The following MIOS variants were observed in gnomAD, a reference collection of about 807,000 sequenced individuals.
MIOS encodes the protein GATOR2 complex protein MIOS.
Under a neutral mutation model 96.9 loss-of-function variants are expected in MIOS, and 52 were observed. That is an observed-to-expected ratio of 0.54 (90% CI 0.43 to 0.68). The LOEUF (loss-of-function observed/expected upper bound fraction) is 0.68, where lower values mean the gene tolerates loss of function less well. MIOS is among the 30% of genes least tolerant of loss of function. The pLI, the probability that MIOS is intolerant of heterozygous loss-of-function variation, is 0.00. For missense variants in MIOS, 1,005 were observed against 1,052.8 expected, an observed-to-expected ratio of 0.95 and a Z score of 0.63; for synonymous variants, 397 against 359.5, an observed-to-expected ratio of 1.10 and a Z score of -1.18.
intron 3 of MIOS, among the ~76,000 whole-genome samples, chr7:7,570,826 C>T (rs1052750524): frequency 2.0e-5 from 3 of 152,148 alleles, no homozygotes; most frequent in Non-Finnish European, 4.4e-5. Context: ...TAACAGATGA[C>T]GCTTAGCTCC....
intron 11 of MIOS, among the ~76,000 whole-genome samples, chr7:7,602,100 A>T (rs371741968): frequency 1.3e-5 from 2 of 152,140 alleles, no homozygotes; most frequent in African/African-American, 4.8e-5. Context: ...TCTATGACAC[A>T]CCCACAGCCA....
downstream of MIOS, chr7:7,609,027 G>C (rs1213053278): frequency 6.6e-6 from 1 of 151,890 alleles, no homozygotes; most frequent in East Asian, 1.9e-4. Flanking sequence ...ACTGGTATTT[G>C]GGTTTATAAA....
chr7:7,585,633 C>T lies in MIOS; in HGVS notation c.1649-3C>T. On this transcript the variant is annotated splice_region_variant and splice_polypyrimidine_tract_variant and intron_variant, in intron 6 of 12. Transcript: ENST00000340080. The stretch of plus-strand genomic sequence containing the variant: ...TGATTAGCTGGCTGTTTTTAATATG[C>T]AGGAGATCTGAATCTCAATGTGGTA... The T allele has an allele frequency of 1.3e-6, 2 of 1,574,846 alleles. No homozygotes were observed. The highest frequency in any genetic ancestry group is 1.7e-6 in the Non-Finnish European group (2 of 1,161,352).
intron 3 of MIOS, among the ~76,000 whole-genome samples, chr7:7,571,958 A>G (rs192059943): frequency 6.6e-6 from 1 of 152,338 alleles, no homozygotes; most frequent in African/African-American, 2.4e-5. Flanking sequence ...CTCAGTAGCT[A>G]CATGTGGCTA....
In MIOS at chr7:7,607,644, G is replaced by A. The variant is rs975368915; in HGVS notation, c.*552G>A. ...GTCTGTTATATATGTGTCTATGTGTGTGTGTATATTTATGTGTGTATGTAT... is the reference window on the plus strand; with the variant it reads ...GTCTGTTATATATGTGTCTATGTGTATGTGTATATTTATGTGTGTATGTAT... On this transcript the variant is annotated 3_prime_UTR_variant, in exon 13 of 13. Transcript: ENST00000340080. The A allele has an allele frequency of 2.7e-5, 4 of 150,914 alleles. No individual in the cohort carries two copies. The highest frequency in any genetic ancestry group is 9.7e-5 in the African/African-American group (4 of 41,316). 9.3% of individuals were successfully genotyped at this position (150,914 alleles called of 1,614,324 possible). A position where few individuals can be genotyped will look rare whatever the true frequency, so the allele number is the denominator to read the frequency against.
chr7:7,589,734 G>C (rs780359661), intron 9 of MIOS, among the ~76,000 whole-genome samples, 171 bp downstream of exon 9: 1 of 152,142 alleles, frequency 6.6e-6, no homozygotes, highest in African/African-American at 2.4e-5. Context: ...CTGTCCCTAA[G>C]CCTCTTCATT....
At chr7:7,583,699 T>G (rs989613734) in intron 6 of MIOS, among the ~76,000 whole-genome samples, 6 of 152,180 alleles carry the variant, frequency 3.9e-5, no homozygotes, top group African/African-American at 1.4e-4. Flanking sequence ...TCTTAAAGAT[T>G]AGGGCTACTT....
rs1004445972 is a variant in MIOS at position 7,574,253 on chromosome 7, T to C, written c.1393+57T>C. The C allele has an allele frequency of 2.3e-6, 3 of 1,323,298 alleles. No individual in the cohort carries two copies. In the African/African-American group the frequency reaches 4.5e-5, roughly 20 times the overall value. The allele number at this position is 1,323,298 out of a possible 1,614,324, so 82.0% of individuals were successfully genotyped here. ...TGTTTATAACTTTTGTACTTTTATT[T>C]TGCCCCCTGTCATTTGGCAGAAATT... is the stretch of plus-strand genomic sequence containing the variant. On this transcript the variant is annotated intron_variant, in intron 5 of 12. Transcript: ENST00000340080.
chr7:7,575,458 A>C (rs1229363601), intron 5 of MIOS, among the ~76,000 whole-genome samples: 1 of 152,098 alleles, frequency 6.6e-6, no homozygotes, highest in African/African-American at 2.4e-5. Flanking sequence ...AAAATGAATA[A>C]GTTTAGTTAG....
intron 10 of MIOS, among the ~76,000 whole-genome samples, chr7:7,595,812 A>G (rs972159790): frequency 6.6e-6 from 1 of 152,210 alleles, no homozygotes; most frequent in Non-Finnish European, 1.5e-5. Context: ...TTCTATTGCT[A>G]TTATTCTAAA....
At chr7:7,582,287 A>T (rs1554300054) in intron 5 of MIOS, among the ~76,000 whole-genome samples, 1 of 152,232 alleles carries the variant, frequency 6.6e-6, no homozygotes, top group Non-Finnish European at 1.5e-5. Flanking sequence ...GTTAAAAAAC[A>T]TAATTATATA....
chr7:7,585,600 G>T, intron 6 of MIOS, 36 bp from the exon 7 acceptor site: 2 of 1,527,450 alleles, frequency 1.3e-6, no homozygotes, highest in South Asian at 2.5e-5. Context: ...TTAAGCTTTT[G>T]ATCACTTTGA....
chr7:7,584,461 G>A lies in MIOS; in HGVS notation c.1648+1089G>A, dbSNP rs537451536. Among the ~76,000 whole-genome samples the A allele has an allele frequency of 2.4e-3, 368 of 152,264 alleles. 1 individual carries two copies. The highest frequency in any genetic ancestry group is 3.8e-3 in the Non-Finnish European group (258 of 67,992). ...CTTTCCAGTGATTTTAAGGACTGAA[G>A]AGAAGACTTCTCTGAGTCAAACATT... On this transcript the variant is annotated intron_variant, in intron 6 of 12. Coordinates refer to ENST00000340080, the MANE Select transcript of MIOS (RefSeq NM_019005.4).
At chr7:7,591,884 A>G (rs556200578) in intron 9 of MIOS, among the ~76,000 whole-genome samples, 1 of 152,034 alleles carries the variant, frequency 6.6e-6, no homozygotes, top group African/African-American at 2.4e-5. Flanking sequence ...TAGGACTCTT[A>G]TTACATATGT....
intron 10 of MIOS, among the ~76,000 whole-genome samples, chr7:7,595,691 T>C (rs1784184712): frequency 6.6e-6 from 1 of 152,226 alleles, no homozygotes; most frequent in African/African-American, 2.4e-5. Flanking sequence ...AAAGTGCTTA[T>C]GTTAAAACCA....
chr7:7,599,324 A>C (rs1583655768), intron 11 of MIOS, among the ~76,000 whole-genome samples: 1 of 152,204 alleles, frequency 6.6e-6, no homozygotes, highest in East Asian at 1.9e-4. Context: ...ACTTCCCTCA[A>C]GGTGTACATA....
At chr7:7,569,336 C>T (rs1356632680) in intron 3 of MIOS, among the ~76,000 whole-genome samples, 1 of 152,194 alleles carries the variant, frequency 6.6e-6, no homozygotes, top group South Asian at 2.1e-4. Context: ...GAGACTTCAT[C>T]GGCTCATGTT....
chr7:7,604,876 A>G (rs762957185), intron 11 of MIOS, among the ~76,000 whole-genome samples: 3 of 152,076 alleles, frequency 2.0e-5, no homozygotes, highest in African/African-American at 7.3e-5. Flanking sequence ...GGTGTAAAGT[A>G]GTGTACATAT....
At chr7:7,589,998 A>G (rs1211660872) in intron 9 of MIOS, among the ~76,000 whole-genome samples, 3 of 152,162 alleles carry the variant, frequency 2.0e-5, no homozygotes, top group African/African-American at 7.2e-5. Flanking sequence ...TGGGGTAACC[A>G]ATTTATCCAT....
Sources: gnomAD v4.1 joint callset for allele counts (sites outside exome capture counted in the v4.1 genomes callset) on GRCh38, gnomAD v4.1.1 for gene constraint, MANE v1.5 for transcripts, NCBI Gene and HGNC (gene_info 2026-07-23, HGNC 2026-07-21) for gene names.